Variants in STON2 observed in about 807,000 individuals in gnomAD.
STON2 encodes stonin-2.
In STON2, 29 loss-of-function variants were observed where a neutral mutation model predicts 65.7. The ratio of observed to expected loss-of-function variants is 0.44; its 90% CI spans 0.33 to 0.60. STON2 has a LOEUF of 0.60. Ranked by LOEUF, STON2 falls within the 20% of genes least tolerant of loss-of-function variation. STON2 has a pLI of 0.03. For missense variants in STON2, 1,054 were observed against 1,118.1 expected, an observed-to-expected ratio of 0.94 and a Z score of 0.82; for synonymous variants, 404 against 414.2, an observed-to-expected ratio of 0.98 and a Z score of 0.30.
chr14:81,340,062 G>A (rs936695848), intron 4 of STON2, among the ~76,000 whole-genome samples: 3 of 152,188 alleles, frequency 2.0e-5, no homozygotes, highest in South Asian at 4.1e-4. Context: ...GCTGAGGCAG[G>A]AGAATGGCAT....
rs1895689402 is a variant in STON2 at position 81,294,628 on chromosome 14, T to C, written c.743-15889A>G. On this transcript the variant is annotated intron_variant, in intron 5 of 7. Coordinates refer to ENST00000614646, the MANE Select transcript of STON2 (RefSeq NM_001394390.1). The stretch of plus-strand genomic sequence containing the variant: ...AACATTTTATTTTTGATATTATTAT[T>C]ATCATGATTATTCCTTAGAGTCCAT... 2.6e-5 allele frequency among the ~76,000 whole-genome samples: 4 copies of C among 152,218 alleles called. No individual in the cohort carries two copies. The South Asian group carries it at 8.3e-4, about 32-fold the overall frequency.
At chr14:81,282,157 A>C (rs558126011) in intron 5 of STON2, among the ~76,000 whole-genome samples, 1 of 152,364 alleles carries the variant, frequency 6.6e-6, no homozygotes, top group East Asian at 1.9e-4. Flanking sequence ...CTTCTATCAC[A>C]GAAAAACATG....
rs991605080 is a variant in STON2, at chr14:81,413,418, A to G, written c.-199+13684T>C. On this transcript the variant is annotated intron_variant, in intron 2 of 8. Transcript: ENST00000553821. Reference sequence around the variant, plus strand: ...AGTTTGTTGTGGTTACAAAACAATTAGCAAAATAGCCTACATCTGTATTTA... The same window carrying G: ...AGTTTGTTGTGGTTACAAAACAATTGGCAAAATAGCCTACATCTGTATTTA... 1.4e-5 allele frequency among the ~76,000 whole-genome samples: 2 copies of G among 140,910 alleles called. 1 individual carries two copies. The highest frequency in any genetic ancestry group is 5.8e-5 in the African/African-American group (2 of 34,534). 92.4% of individuals were successfully genotyped at this position (140,910 alleles called of 152,430 possible). A position where few individuals can be genotyped will look rare whatever the true frequency, so the allele number is the denominator to read the frequency against.
At position 81,267,833 on chromosome 14, in the gene STON2, T is replaced by C. The variant is rs1438212131; in HGVS notation, c.*581A>G. On this transcript the variant is annotated 3_prime_UTR_variant, in exon 8 of 8. Transcript: ENST00000614646. ...GGAAAAAGTGTTCCAATCTAAACGA[T>C]CTAGAGCCAGGAGGGAAATGTCTTG... 7 of 985,272 alleles carry C rather than the reference T, an allele frequency of 7.1e-6. No individual in the cohort carries two copies. The highest frequency in any genetic ancestry group is 3.5e-5 in the African/African-American group (2 of 57,186). The allele number at this position is 985,272 out of a possible 1,614,324, so 61.0% of individuals were successfully genotyped here.
intron 5 of STON2, among the ~76,000 whole-genome samples, chr14:81,321,370 TAAAAAA>T (rs566882924): frequency 7.9e-6 from 1 of 126,718 alleles, no homozygotes; most frequent in African/African-American, 2.9e-5. Context: ...GTTTCTACTT[TAAAAAA>T]AAAAAAAAAA....
chr14:81,379,428 G>T (rs1281485739), intron 3 of STON2, among the ~76,000 whole-genome samples: 1 of 152,148 alleles, frequency 6.6e-6, no homozygotes, highest in African/African-American at 2.4e-5. Flanking sequence ...TGGAGATAGA[G>T]ATAAATAGAT....
intron 3 of STON2, among the ~76,000 whole-genome samples, chr14:81,371,676 T>TCAAAAAAAAAAAAAAAAA (rs58782661): frequency 9.2e-5 from 9 of 97,630 alleles, no homozygotes; most frequent in African/African-American, 2.7e-4. Flanking sequence ...AGACTGAGTC[T>TCAAAAAAAAAAAAAAAAA]AAAAAAAAAA....
intron 1 of STON2, among the ~76,000 whole-genome samples, chr14:81,432,955 G>A (rs1181927631): frequency 1.3e-5 from 2 of 152,124 alleles, no homozygotes; most frequent in Admixed American, 1.3e-4. Context: ...TTTTCAAAGG[G>A]TGGGACCAGC....
At chr14:81,362,241 A>G (rs987974414) in intron 4 of STON2, among the ~76,000 whole-genome samples, 2 of 152,228 alleles carry the variant, frequency 1.3e-5, no homozygotes, top group Admixed American at 1.3e-4. Context: ...CTAAGTGTCC[A>G]TCAGTGGATG....
intron 4 of STON2, among the ~76,000 whole-genome samples, chr14:81,356,837 A>G (rs28825100): frequency 0.58 from 88,306 of 151,490 alleles, 28,246 homozygotes; most frequent in African/African-American, 0.85. Context: ...TTGTATTTCT[A>G]TGGGATCGGT....
At chr14:81,401,296 G>GA (rs549605465), upstream of STON2, among the ~76,000 whole-genome samples, 32 of 152,172 alleles carry the variant, frequency 2.1e-4, no homozygotes, top group South Asian at 5.8e-3. Flanking sequence ...ACGTATGAAC[G>GA]AAAAAAGAGC....
intron 5 of STON2, among the ~76,000 whole-genome samples, chr14:81,282,161 A>C (rs1180658223): frequency 1.3e-5 from 2 of 152,240 alleles, no homozygotes; most frequent in Non-Finnish European, 2.9e-5. Context: ...TATCACAGAA[A>C]AACATGAAAA....
At chr14:81,359,116 T>C (rs2140335338) in intron 4 of STON2, among the ~76,000 whole-genome samples, 1 of 152,268 alleles carries the variant, frequency 6.6e-6, no homozygotes, top group South Asian at 2.1e-4. Flanking sequence ...CAGAACATTA[T>C]CCAGTATAGA....
chr14:81,435,437 A>T (rs1325214205), intron 1 of STON2, among the ~76,000 whole-genome samples: 2 of 152,144 alleles, frequency 1.3e-5, no homozygotes, highest in African/African-American at 4.8e-5. Context: ...GCATTGGCTC[A>T]TATAATCCTC....
chr14:81,350,659 G>A (rs542114923), intron 4 of STON2, among the ~76,000 whole-genome samples: 9 of 152,164 alleles, frequency 5.9e-5, no homozygotes, highest in African/African-American at 1.2e-4. Flanking sequence ...GTGGAAATTC[G>A]ACTAAATAAT....
intron 5 of STON2, among the ~76,000 whole-genome samples, chr14:81,300,924 C>T (rs1895945028): frequency 6.6e-6 from 1 of 152,016 alleles, no homozygotes; most frequent in Admixed American, 6.6e-5. Flanking sequence ...CTGGAAACAC[C>T]CCAAATGCCT....
chr14:81,285,424 G>T (rs750948437), intron 5 of STON2, among the ~76,000 whole-genome samples: 8 of 152,230 alleles, frequency 5.3e-5, no homozygotes, highest in Non-Finnish European at 1.0e-4. Flanking sequence ...GAGAGAACAA[G>T]AAGTGAAACC....
intron 2 of STON2, among the ~76,000 whole-genome samples, chr14:81,406,399 G>A (rs1900862751): frequency 6.6e-6 from 1 of 152,072 alleles, no homozygotes; most frequent in South Asian, 2.1e-4. Flanking sequence ...CTGACCCTCT[G>A]CCTTTTTTGG....
intron 4 of STON2, among the ~76,000 whole-genome samples, chr14:81,364,279 T>C (rs1414887272): frequency 6.6e-6 from 1 of 152,230 alleles, no homozygotes; most frequent in East Asian, 1.9e-4. Context: ...TATGAGGGTT[T>C]AAATACAAAG....
Sources: allele counts gnomAD v4.1 joint callset (sites outside exome capture counted in the v4.1 genomes callset), GRCh38; gene constraint gnomAD v4.1.1; transcripts MANE v1.5; gene names NCBI Gene and HGNC (gene_info 2026-07-23, HGNC 2026-07-21).